C8orf34: variants seen among roughly 807,000 people sequenced by gnomAD.
C8orf34 encodes the protein chromosome 8 open reading frame 34.
A neutral mutation model predicts 68.3 loss-of-function variants in C8orf34; 65 were observed. That is an observed-to-expected ratio of 0.95 (90% CI 0.78 to 1.17). The LOEUF is 1.17. C8orf34 is among the 50% of genes most tolerant of loss of function. C8orf34 has a pLI of 0.00. For synonymous variants in C8orf34, 244 were observed against 241.2 expected (o/e 1.01, Z -0.11); for missense variants, 664 against 655.4 (o/e 1.01, Z -0.14).
rs188933436 is a variant in C8orf34 at position 68,731,538 on chromosome 8, G to A, written c.1404+10101G>A. ...AATTAAACTCTTTAAAATTGAATAT[G>A]AAAAGCCTTACATTCTGCTTTTCTT... On this transcript the variant is annotated intron_variant, in intron 10 of 13. Coordinates refer to ENST00000518698, the MANE Select transcript of C8orf34 (RefSeq NM_052958.4). Among the ~76,000 whole-genome samples, 1,104 of 152,090 alleles carry A rather than the reference G, an allele frequency of 7.3e-3. 9 individuals carry two copies. The highest frequency in any genetic ancestry group is 0.012 in the Non-Finnish European group (827 of 67,970).
intron 12 of C8orf34, among the ~76,000 whole-genome samples, chr8:68,794,353 T>A (rs1208453191): frequency 6.7e-6 from 1 of 150,020 alleles, no homozygotes; most frequent in Admixed American, 6.7e-5. Context: ...TTTATTTTTG[T>A]AGAAACAAGG....
Position 68,716,743 on chromosome 8 carries a change from A to T in C8orf34, c.1328-4618A>T, listed in dbSNP as rs149353302. 4.3e-4 allele frequency among the ~76,000 whole-genome samples: 65 copies of T among 152,156 alleles called. 1 individual carries two copies. The East Asian group carries it at 0.01, about 24-fold the overall frequency. On this transcript the variant is annotated intron_variant, in intron 9 of 13. Transcript: ENST00000518698. ...TTATCTTAAAATCTTGAGCATTTAT[A>T]TAATCTAAAACCTAGAAACTCCATT...
intron 3 of C8orf34, among the ~76,000 whole-genome samples, chr8:68,453,030 C>T (rs1563450808): frequency 6.6e-6 from 1 of 151,898 alleles, no homozygotes; most frequent in Non-Finnish European, 1.5e-5. Flanking sequence ...ACTATTCTTT[C>T]CTCATTGAAT....
intron 7 of C8orf34, among the ~76,000 whole-genome samples, chr8:68,537,580 T>C (rs891236908): frequency 9.0e-5 from 13 of 144,622 alleles, no homozygotes; most frequent in East Asian, 5.9e-4. Flanking sequence ...CTGCTTAGAG[T>C]AGAAAAAATC....
intron 5 of C8orf34, among the ~76,000 whole-genome samples, chr8:68,489,256 T>C (rs1035980188): frequency 2.0e-5 from 3 of 152,180 alleles, no homozygotes; most frequent in Non-Finnish European, 4.4e-5. Flanking sequence ...GAAATAGCCA[T>C]CATCAATATT....
chr8:68,338,471 CCTT>C (rs1458166753), intron 1 of C8orf34, among the ~76,000 whole-genome samples: 2 of 152,174 alleles, frequency 1.3e-5, no homozygotes, highest in Non-Finnish European at 2.9e-5. Context: ...TCTCCTTACT[CCTT>C]CTGCATCTTC....
rs532266963 is a variant in C8orf34, at chr8:68,333,810, T to A, written c.327+2471T>A. ...AAAATCTCCTTTTACCACTCACAAATTGAAATTGGCCGCTTCATGTCTTGT... is the reference window on the plus strand; with the variant it reads ...AAAATCTCCTTTTACCACTCACAAAATGAAATTGGCCGCTTCATGTCTTGT... On this transcript the variant is annotated intron_variant, in intron 1 of 13. Transcript: ENST00000518698. 1.6e-4 allele frequency among the ~76,000 whole-genome samples: 25 copies of A among 152,356 alleles called. 1 individual carries two copies. Among genetic ancestry groups the A allele is most frequent in the Middle Eastern group, 6.8e-3 (2 of 294 alleles).
intron 7 of C8orf34, among the ~76,000 whole-genome samples, chr8:68,548,107 A>C (rs1016915606): frequency 6.6e-6 from 1 of 151,802 alleles, no homozygotes; most frequent in Non-Finnish European, 1.5e-5. Context: ...GAAAATGTAT[A>C]ATATATTCAA....
At chr8:68,607,240 C>G (rs899857612) in intron 7 of C8orf34, among the ~76,000 whole-genome samples, 1 of 152,064 alleles carries the variant, frequency 6.6e-6, no homozygotes, top group African/African-American at 2.4e-5. Context: ...ATAAAATATT[C>G]AAGACTAACA....
chr8:68,780,048 C>T (rs1823630915), intron 11 of C8orf34, among the ~76,000 whole-genome samples: 1 of 152,130 alleles, frequency 6.6e-6, no homozygotes, highest in South Asian at 2.1e-4. Context: ...CCCTCACTTA[C>T]ATAGTCATAA....
intron 8 of C8orf34, among the ~76,000 whole-genome samples, chr8:68,697,375 G>A (rs917272420): frequency 2.0e-5 from 3 of 151,898 alleles, no homozygotes; most frequent in East Asian, 1.9e-4. Flanking sequence ...TAGACTCCTC[G>A]CAGCTTCCTC....
intron 7 of C8orf34, among the ~76,000 whole-genome samples, chr8:68,628,391 A>G (rs1307400008): frequency 6.6e-6 from 1 of 152,152 alleles, no homozygotes; most frequent in Non-Finnish European, 1.5e-5. Context: ...TTCAACCAGA[A>G]TATGTCCCAA....
chr8:68,530,529 T>G (rs1328192747), intron 6 of C8orf34: 9 of 733,622 alleles, frequency 1.2e-5, no homozygotes, highest in Non-Finnish European at 1.5e-5. Flanking sequence ...TGATTGGTTT[T>G]GTTTACTTCT....
At chr8:68,694,486 A>AT (rs1418412012) in intron 8 of C8orf34, among the ~76,000 whole-genome samples, 5 of 152,122 alleles carry the variant, frequency 3.3e-5, no homozygotes, top group African/African-American at 1.2e-4. Context: ...AAAAAATACA[A>AT]TTTTTGAAAA....
chr8:68,681,784 T>C (rs1820378286), intron 8 of C8orf34, among the ~76,000 whole-genome samples: 1 of 152,096 alleles, frequency 6.6e-6, no homozygotes, highest in African/African-American at 2.4e-5. Flanking sequence ...CATCAACAGA[T>C]GAATGGATAA....
chr8:68,565,764 T>C (rs1443880698), intron 7 of C8orf34, among the ~76,000 whole-genome samples: 1 of 152,182 alleles, frequency 6.6e-6, no homozygotes, highest in African/African-American at 2.4e-5. Context: ...CTAAATAGAA[T>C]GTTTGAAATG....
chr8:68,510,393 C>T (rs2380468), intron 5 of C8orf34, among the ~76,000 whole-genome samples: 39,626 of 152,116 alleles, frequency 0.26, 5,996 homozygotes, highest in Non-Finnish European at 0.34. Flanking sequence ...TATCCCATCA[C>T]CTGGCAGGAT....
chr8:68,451,884 A>AG (rs58322616), intron 3 of C8orf34, among the ~76,000 whole-genome samples: 2 of 152,070 alleles, frequency 1.3e-5, no homozygotes, highest in Admixed American at 6.6e-5. Flanking sequence ...TGTAAAAAAA[A>AG]CAACAAAAAA....
At chr8:68,377,971 A>C (rs1174767330) in intron 1 of C8orf34, among the ~76,000 whole-genome samples, 5 of 152,032 alleles carry the variant, frequency 3.3e-5, no homozygotes, top group Admixed American at 3.3e-4. Context: ...ATCAGATCTC[A>C]TGAGACTTAC....
Sources: allele counts gnomAD v4.1 joint callset (sites outside exome capture counted in the v4.1 genomes callset), GRCh38; gene constraint gnomAD v4.1.1; transcripts MANE v1.5; gene names NCBI Gene and HGNC (gene_info 2026-07-23, HGNC 2026-07-21).